The following RBPJ variants were observed in gnomAD, a reference collection of about 807,000 sequenced individuals.
RBPJ encodes recombining binding protein suppressor of hairless.
RBPJ carries 9 observed loss-of-function variants against 67.8 expected under a neutral mutation model. The observed-to-expected ratio is 0.13, with a 90% CI of 0.08 to 0.23. The LOEUF is 0.23. Among genes scored for constraint, RBPJ ranks in the 10% least tolerant of loss-of-function variants. The pLI is 1.00. For synonymous variants in RBPJ, 198 were observed against 203.3 expected (o/e 0.97, Z 0.22); for missense variants, 305 against 595.6 (o/e 0.51, Z 5.08).
the RBPJ span, among the ~76,000 whole-genome samples, chr4:26,120,164 G>A: frequency 6.6e-6 from 1 of 152,222 alleles, no homozygotes; most frequent in East Asian, 1.9e-4. Flanking sequence ...GTCAGCAGTA[G>A]TAGTAGACAT....
chr4:26,124,619 G>C, the RBPJ span, among the ~76,000 whole-genome samples: 1 of 151,318 alleles, frequency 6.6e-6, no homozygotes, highest in Admixed American at 6.6e-5. Flanking sequence ...GAAATTGCTG[G>C]ATCAAATGGC....
In RBPJ at chr4:26,258,065, A is replaced by T. The variant is rs547779970; in HGVS notation, c.-167+94451A>T. On this transcript the variant is annotated intron_variant, in intron 1 of 4. Coordinates refer to the RBPJ transcript ENST00000512351. ...GCTCACATTATGTCAGATAGTCGGG[A>T]AATGTGTTGTAAGAATACCAGGGGA... 3.9e-5 allele frequency among the ~76,000 whole-genome samples: 6 copies of T among 152,318 alleles called. No individual in the cohort carries two copies. The East Asian group carries it at 1.2e-3, about 29-fold the overall frequency.
chr4:26,307,795 A>G (rs1223231203), intron 1 of RBPJ, among the ~76,000 whole-genome samples: 2 of 152,246 alleles, frequency 1.3e-5, no homozygotes, highest in African/African-American at 2.4e-5. Context: ...TTTGTAGTTA[A>G]GATCTTGAGA....
At chr4:26,234,640 C>T (rs553596703) in intron 1 of RBPJ, among the ~76,000 whole-genome samples, 2 of 152,032 alleles carry the variant, frequency 1.3e-5, no homozygotes, top group African/African-American at 2.4e-5. Flanking sequence ...TCCTTATCAC[C>T]TTGTAGTTAA....
chr4:26,121,206 C>A, the RBPJ span, among the ~76,000 whole-genome samples: 1 of 152,140 alleles, frequency 6.6e-6, no homozygotes, highest in Non-Finnish European at 1.5e-5. Context: ...AATATTTAAT[C>A]TCATAATGGA....
chr4:26,205,561 G>A (rs1291762504), intron 1 of RBPJ, among the ~76,000 whole-genome samples: 1 of 152,032 alleles, frequency 6.6e-6, no homozygotes, highest in African/African-American at 2.4e-5. Flanking sequence ...ACCAGCCTGG[G>A]CAACATAGAG....
intron 7 of RBPJ, among the ~76,000 whole-genome samples, chr4:26,426,593 A>G (rs1735692364): frequency 6.6e-6 from 1 of 152,232 alleles, no homozygotes; most frequent in African/African-American, 2.4e-5. Flanking sequence ...TGATAAGCCA[A>G]ATACCCATGT....
chr4:26,240,552 G>A (rs920942808), intron 1 of RBPJ, among the ~76,000 whole-genome samples: 1 of 152,182 alleles, frequency 6.6e-6, no homozygotes, highest in South Asian at 2.1e-4. Flanking sequence ...AGGGAAGGAC[G>A]TATTTAAGAA....
At chr4:26,329,057 G>A (rs1281704714) in intron 1 of RBPJ, among the ~76,000 whole-genome samples, 2 of 152,124 alleles carry the variant, frequency 1.3e-5, no homozygotes, top group Non-Finnish European at 2.9e-5. Context: ...GCAATGGTGC[G>A]ATCTTGGCTC....
intron 1 of RBPJ, among the ~76,000 whole-genome samples, chr4:26,329,471 A>G (rs1724001296): frequency 6.6e-6 from 1 of 152,212 alleles, no homozygotes; most frequent in Admixed American, 6.5e-5. Context: ...GAATAATTGT[A>G]CTGTAAGTCA....
intron 1 of RBPJ, among the ~76,000 whole-genome samples, chr4:26,256,703 T>G (rs1720354901): frequency 6.6e-6 from 1 of 152,194 alleles, no homozygotes; most frequent in African/African-American, 2.4e-5. Context: ...TGTAAGGACG[T>G]AAGGACAAAT....
chr4:26,300,115 G>A (rs1722027793), intron 1 of RBPJ, among the ~76,000 whole-genome samples: 2 of 152,066 alleles, frequency 1.3e-5, no homozygotes, highest in Admixed American at 6.6e-5. Context: ...AGATGGCATC[G>A]CACCTTATCT....
chr4:26,391,621 A>C (rs1446336461), intron 2 of RBPJ, among the ~76,000 whole-genome samples: 1 of 152,240 alleles, frequency 6.6e-6, no homozygotes, highest in African/African-American at 2.4e-5. Context: ...ACTAAAACAC[A>C]ATCTGTGGAA....
intron 2 of RBPJ, among the ~76,000 whole-genome samples, chr4:26,392,686 A>G (rs1167747884): frequency 6.6e-6 from 1 of 152,200 alleles, no homozygotes; most frequent in Non-Finnish European, 1.5e-5. Context: ...AAAGATTACA[A>G]AAAGGCAGAA....
chr4:26,204,931 ACCGGT>A (rs1237343769), intron 1 of RBPJ, among the ~76,000 whole-genome samples: 1 of 152,192 alleles, frequency 6.6e-6, no homozygotes, highest in Non-Finnish European at 1.5e-5. Context: ...CACTGGAGAC[ACCGGT>A]CAGAAAACTG....
chr4:26,245,788 G>A (rs1328773634), intron 1 of RBPJ, among the ~76,000 whole-genome samples: 3 of 152,172 alleles, frequency 2.0e-5, no homozygotes, highest in Admixed American at 2.0e-4. Context: ...ATGTGAATAT[G>A]TAGTTGTTGA....
chr4:26,318,404 T>G (rs961399353), upstream of RBPJ, among the ~76,000 whole-genome samples: 4 of 152,064 alleles, frequency 2.6e-5, no homozygotes, highest in African/African-American at 9.7e-5. Flanking sequence ...GGGCTGCATT[T>G]AAAACAGTAG....
intron 1 of RBPJ, among the ~76,000 whole-genome samples, chr4:26,356,639 T>C (rs1458195116): frequency 1.3e-5 from 2 of 152,214 alleles, no homozygotes; most frequent in African/African-American, 2.4e-5. Flanking sequence ...ATATTTAGGG[T>C]TGCCCCCCTC....
chr4:26,105,497 C>T, the RBPJ span, among the ~76,000 whole-genome samples: 2 of 151,992 alleles, frequency 1.3e-5, no homozygotes, highest in Non-Finnish European at 2.9e-5. Flanking sequence ...GATTCAGAAG[C>T]TCAATCTGAA....
Sources: allele counts gnomAD v4.1 joint callset (sites outside exome capture counted in the v4.1 genomes callset), GRCh38; gene constraint gnomAD v4.1.1; transcripts MANE v1.5; gene names NCBI Gene and HGNC (gene_info 2026-07-23, HGNC 2026-07-21).